Variants in NLRP14 observed in about 807,000 individuals in gnomAD.
The protein encoded by NLRP14 is NLR family pyrin domain containing 14.
In NLRP14, 105 loss-of-function variants were observed where a neutral mutation model predicts 94.7. The ratio of observed to expected loss-of-function variants is 1.11; its 90% CI spans 0.95 to 1.30. NLRP14 has a LOEUF of 1.30. Among genes scored for constraint, NLRP14 ranks in the 50% most tolerant of loss-of-function variants. The probability of loss-of-function intolerance (pLI) is 0.00; values close to 1 mark genes in which losing one functional copy is unlikely to be tolerated. For missense variants in NLRP14, 1,362 were observed against 1,254.1 expected (o/e 1.09, Z -1.30); for synonymous variants, 508 against 459.9 (o/e 1.10, Z -1.34).
chr11:7,022,782 C>T (rs1180619081), intron 1 of NLRP14, among the ~76,000 whole-genome samples: 1 of 152,122 alleles, frequency 6.6e-6, no homozygotes, highest in African/African-American at 2.4e-5. Flanking sequence ...AGCAAACTGG[C>T]AATAAATAGA....
chr11:7,057,752 A>G lies in NLRP14; in HGVS notation c.2367A>G (p.Ile789Met). The change falls in exon 7 of 12, where the codon ATA becomes ATG. Residue 789 changes from isoleucine (I) to methionine (M), a missense_variant. Transcript: ENST00000299481. Reference protein sequence around the residue: ...SNALIRSQSLIFLNLSTNNLL... With the variant: ...SNALIRSQSLMFLNLSTNNLL... The stretch of plus-strand genomic sequence containing the variant: ...CTCTCATCAGAAGCCAGAGCCTGAT[A>G]TTTCTGAATCTGTCAACCAATAATC... 6.2e-7 allele frequency: 1 copy of G among 1,612,158 alleles called. No individual in the cohort carries two copies. The highest frequency in any genetic ancestry group is 8.5e-7 in the Non-Finnish European group (1 of 1,178,380).
rs377042925 is a variant in NLRP14 at position 7,038,808 on chromosome 11, G to T, written c.222G>T (p.Val74=). 2 of 1,613,004 alleles carry T rather than the reference G, an allele frequency of 1.2e-6. No individual in the cohort carries two copies. The highest frequency in any genetic ancestry group is 4.5e-5 in the East Asian group (2 of 44,876). ...KYYPGEKAWS[V]SLKIFGKMNL... is the part of the protein sequence containing the mutation. Reference sequence around the variant, plus strand: ...ATCCAGGAGAGAAAGCCTGGAGTGTGTCTCTCAAAATCTTTGGCAAGATGA... The same window carrying T: ...ATCCAGGAGAGAAAGCCTGGAGTGTTTCTCTCAAAATCTTTGGCAAGATGA... The change falls in exon 2 of 12, where the codon GTG becomes GTT. Residue 74 remains valine (V), a synonymous_variant. Transcript: ENST00000299481.
chr11:7,055,738 A>C (rs1327708342), intron 6 of NLRP14, among the ~76,000 whole-genome samples: 1 of 152,086 alleles, frequency 6.6e-6, no homozygotes, highest in African/African-American at 2.4e-5. Flanking sequence ...TGGGTTCTCT[A>C]AGTCAACAGC....
At chr11:7,033,295 G>A (rs1272594417) in intron 1 of NLRP14, among the ~76,000 whole-genome samples, 1 of 152,164 alleles carries the variant, frequency 6.6e-6, no homozygotes, top group Non-Finnish European at 1.5e-5. Flanking sequence ...CTGTCATAGT[G>A]TATGTATATT....
chr11:7,040,965 G>A (rs1051683281), intron 3 of NLRP14, among the ~76,000 whole-genome samples: 1 of 152,066 alleles, frequency 6.6e-6, no homozygotes, highest in African/African-American at 2.4e-5. Context: ...GCTAATAAAT[G>A]TCTTCAAATT....
Position 7,035,139 on chromosome 11 carries a change from AAAATAAATAAAT to A in NLRP14, c.-21-3407_-21-3396del, listed in dbSNP as rs10569142. Reference sequence around the variant, plus strand: ...AAACCCTGTCTCTACTAAAAATCCAAAAATAAATAAATAAATAAATAAATAAATAAAATTAGC... The same window carrying A: ...AAACCCTGTCTCTACTAAAAATCCAAAAATAAATAAATAAATAAAATTAGC... On this transcript the variant is annotated intron_variant, in intron 1 of 11. Coordinates refer to ENST00000299481, the MANE Select transcript of NLRP14 (RefSeq NM_176822.4). 2.7e-3 allele frequency among the ~76,000 whole-genome samples: 400 copies of A among 149,264 alleles called. 2 individuals carry two copies. The highest frequency in any genetic ancestry group is 3.7e-3 in the Non-Finnish European group (249 of 67,356).
chr11:7,043,262 T>C lies in NLRP14; in HGVS notation c.1236T>C (p.Asp412=). The change falls in exon 4 of 12, where the codon GAT becomes GAC. Residue 412 remains aspartate, a synonymous_variant. Transcript: ENST00000299481. Reference sequence around the variant, plus strand: ...TTTCTAGCTTGTTCACACCAGTAGATGGAGGCTCTCCTAGTCTACCCAACC... The same window carrying C: ...TTTCTAGCTTGTTCACACCAGTAGACGGAGGCTCTCCTAGTCTACCCAACC... ...CYISSLFTPV[D]GGSPSLPNQA... 6.2e-7 allele frequency: 1 copy of C among 1,614,134 alleles called. No homozygotes were observed. Among genetic ancestry groups the C allele is most frequent in the Non-Finnish European group, 8.5e-7 (1 of 1,180,010 alleles).
chr11:7,029,378 C>T (rs964502), intron 1 of NLRP14, among the ~76,000 whole-genome samples: 88,242 of 151,986 alleles, frequency 0.58, 26,532 homozygotes, highest in East Asian at 0.73. Context: ...AGATCACTTT[C>T]ACGAGGCATT....
At position 7,038,644 on chromosome 11, in the gene NLRP14, G is replaced by A; in HGVS notation, c.58G>A (p.Glu20Lys). ...FPDFGLLLYLEELNKEELNTF... is the reference protein window; with the variant it reads ...FPDFGLLLYLKELNKEELNTF... Reference sequence around the variant, plus strand: ...TGATTTTGGGCTGCTATTGTATTTGGAGGAGCTAAACAAAGAGGAATTAAA... The same window carrying A: ...TGATTTTGGGCTGCTATTGTATTTGAAGGAGCTAAACAAAGAGGAATTAAA... Residue 20 changes from glutamate to lysine, a missense_variant, in exon 2 of 12, where the codon GAG (glutamate) becomes AAG (lysine). Glu to Lys is a moderately conservative substitution (Grantham distance 56). Transcript: ENST00000299481. 1 of 1,613,918 alleles carries A rather than the reference G, an allele frequency of 6.2e-7. No individual in the cohort carries two copies. Among genetic ancestry groups the A allele is most frequent in the Non-Finnish European group, 8.5e-7 (1 of 1,179,904 alleles).
rs779158477 is a variant in NLRP14 at position 7,042,394 on chromosome 11, G to A, written c.368G>A (p.Gly123Glu). Reference protein sequence around the residue: ...QEDQEAVLGDGTEYRNRIKEK... With the variant: ...QEDQEAVLGDETEYRNRIKEK... ...CTTTGCCATTCTGACTTAGGTGATGGAACAGAATACAGAAATAGAATAAAG... is the reference window on the plus strand; with the variant it reads ...CTTTGCCATTCTGACTTAGGTGATGAAACAGAATACAGAAATAGAATAAAG... Residue 123 changes from glycine (G) to glutamate (E), a missense_variant, in exon 4 of 12, where the codon GGA (glycine) becomes GAA (glutamate). Transcript: ENST00000299481. The A allele has an allele frequency of 4.5e-5, 72 of 1,613,174 alleles. No individual in the cohort carries two copies. The highest frequency in any genetic ancestry group is 6.0e-5 in the Non-Finnish European group (71 of 1,179,604).
intron 5 of NLRP14, among the ~76,000 whole-genome samples, chr11:7,047,456 A>T (rs535481231): frequency 6.6e-6 from 1 of 151,954 alleles, no homozygotes; most frequent in Non-Finnish European, 1.5e-5. Flanking sequence ...GGCATGTACC[A>T]CCATGCCAGG....
chr11:7,034,896 A>G (rs1179086335), intron 1 of NLRP14, among the ~76,000 whole-genome samples: 1 of 152,174 alleles, frequency 6.6e-6, no homozygotes, highest in Non-Finnish European at 1.5e-5. Context: ...TTTCCTCCCA[A>G]TTATGGTGTC....
intron 6 of NLRP14, among the ~76,000 whole-genome samples, chr11:7,054,253 T>C (rs1295366190): frequency 6.6e-6 from 1 of 152,182 alleles, no homozygotes; most frequent in Non-Finnish European, 1.5e-5. Context: ...TTGTGAATAG[T>C]GCTGCAGTAA....
intron 6 of NLRP14, among the ~76,000 whole-genome samples, chr11:7,054,978 G>A (rs1852497712): frequency 6.6e-6 from 1 of 152,026 alleles, no homozygotes; most frequent in African/African-American, 2.4e-5. Context: ...TTTGATTTTT[G>A]TATATGTTGA....
At chr11:7,034,327 G>A (rs992740702) in intron 1 of NLRP14, among the ~76,000 whole-genome samples, 4 of 152,008 alleles carry the variant, frequency 2.6e-5, no homozygotes, top group Non-Finnish European at 4.4e-5. Context: ...AGGTCTTTTT[G>A]CATACCCCAT....
At chr11:7,044,716 A>G (rs1281883776) in intron 4 of NLRP14, among the ~76,000 whole-genome samples, 2 of 152,208 alleles carry the variant, frequency 1.3e-5, no homozygotes, top group Non-Finnish European at 2.9e-5. Flanking sequence ...TCCCAGATGT[A>G]TATAAAATTA....
At chr11:7,020,963 CAG>C (rs535341242) in intron 1 of NLRP14, among the ~76,000 whole-genome samples, 193 bp downstream of exon 1, 190 of 152,340 alleles carry the variant, frequency 1.2e-3, no homozygotes, top group Non-Finnish European at 2.4e-3. Context: ...CCTGGGACCA[CAG>C]AGAGTTGCAA....
At chr11:7,041,563 A>T (rs1242622783) in intron 3 of NLRP14, among the ~76,000 whole-genome samples, 2 of 152,130 alleles carry the variant, frequency 1.3e-5, no homozygotes, top group Non-Finnish European at 1.5e-5. Flanking sequence ...ATATCATTGT[A>T]TTCTCATTTT....
rs1312523181 is a variant in NLRP14, at chr11:7,045,018, A to G, written c.1958+1034A>G. ...TTAGGACAAAATTGTGATACCAAGA[A>G]GGCATATAACTTGACTGAGGTCACA... On this transcript the variant is annotated intron_variant, in intron 4 of 11. Coordinates refer to ENST00000299481, the MANE Select transcript of NLRP14 (RefSeq NM_176822.4). 5.9e-5 allele frequency among the ~76,000 whole-genome samples: 9 copies of G among 152,190 alleles called. No individual in the cohort carries two copies. In the East Asian group the frequency reaches 1.7e-3, roughly 29 times the overall value.
Sources: gnomAD v4.1 joint callset for allele counts (sites outside exome capture counted in the v4.1 genomes callset) on GRCh38, gnomAD v4.1.1 for gene constraint, MANE v1.5 for transcripts, NCBI Gene and HGNC (gene_info 2026-07-23, HGNC 2026-07-21) for gene names.